Variants in ITPR1 observed in about 807,000 individuals in gnomAD.
The protein encoded by ITPR1 is inositol 1,4,5-trisphosphate-gated calcium channel ITPR1.
ITPR1 carries 96 observed loss-of-function variants against 318.4 expected under a neutral mutation model. The observed-to-expected ratio is 0.30, with a 90% CI of 0.26 to 0.36. The LOEUF (loss-of-function observed/expected upper bound fraction) is 0.36. ITPR1 is among the 10% of genes least tolerant of loss of function. The pLI, the probability that ITPR1 is intolerant of heterozygous loss-of-function variation, is 1.00. For synonymous variants in ITPR1, 1,312 were observed against 1,289.9 expected (o/e 1.02, Z -0.37); for missense variants, 2,440 against 3,460.2 (o/e 0.71, Z 7.40).
chr3:4,736,979 T>C (rs1359241729), intron 44 of ITPR1, among the ~76,000 whole-genome samples: 1 of 152,220 alleles, frequency 6.6e-6, no homozygotes, highest in East Asian at 1.9e-4. Context: ...TGTGGTGAAC[T>C]TTTCATAAAC....
rs6770659 is a variant in ITPR1 at position 4,700,046 on chromosome 3, G to A, written c.4536+105G>A. The A allele has an allele frequency of 0.012, 11,066 of 956,782 alleles. 894 individuals are homozygous for A. The African/African-American group carries it at 0.16, about 14-fold the overall frequency. 59.3% of individuals were successfully genotyped at this position (956,782 alleles called of 1,614,324 possible). ...AATTGTAAATGAACTGGTCTGCAAG[G>A]CATTAATACAAGATATATTTCTCTT... On this transcript the variant is annotated intron_variant, in intron 35 of 61. Coordinates refer to ENST00000649015, the MANE Select transcript of ITPR1 (RefSeq NM_001378452.1).
At chr3:4,603,920 T>C (rs1016038338) in intron 4 of ITPR1, among the ~76,000 whole-genome samples, 2 of 152,226 alleles carry the variant, frequency 1.3e-5, no homozygotes, top group African/African-American at 2.4e-5. Context: ...ATCTCCAAAC[T>C]GCTGAACTAA....
chr3:4,831,075 A>G (rs1161160827), intron 60 of ITPR1: 2 of 453,462 alleles, frequency 4.4e-6, no homozygotes, highest in African/African-American at 2.0e-5. Context: ...GCATCATACA[A>G]TCCAACTTCC....
chr3:4,815,480 A>C (rs1197928265), intron 59 of ITPR1, among the ~76,000 whole-genome samples: 1 of 152,154 alleles, frequency 6.6e-6, no homozygotes, highest in Non-Finnish European at 1.5e-5. Context: ...TTAGTCATTT[A>C]ACATCTTTAA....
At position 4,685,095 on chromosome 3, in the gene ITPR1, T is replaced by C. The variant is rs777553983; in HGVS notation, c.3591T>C (p.Cys1197=). 7.4e-6 allele frequency: 12 copies of C among 1,611,038 alleles called. No individual in the cohort carries two copies. The South Asian group carries it at 1.2e-4, about 16-fold the overall frequency. ...KEILIRLSKL[C]VQESASVRKS... ...TTTTGATTCGGCTTAGCAAACTCTG[T>C]GTTCAAGAGAGTGCCTCAGTGAGAA... The change falls in exon 30 of 62, where the codon TGT becomes TGC. Residue 1197 remains cysteine (C), a synonymous_variant. Coordinates refer to ENST00000649015, the MANE Select transcript of ITPR1 (RefSeq NM_001378452.1).
chr3:4,658,084 G>T, intron 12 of ITPR1, 40 bp from the exon 13 acceptor site: 1 of 1,562,918 alleles, frequency 6.4e-7, no homozygotes, highest in South Asian at 1.2e-5. Flanking sequence ...TGAAGGCTTT[G>T]GCATGCATGG....
At chr3:4,794,877 C>A in intron 52 of ITPR1, 188 bp from the exon 53 acceptor site, 1 of 585,778 alleles carries the variant, frequency 1.7e-6, no homozygotes, top group Non-Finnish European at 2.8e-6. Context: ...AAGTACTCCA[C>A]ACAGAAATAA....
chr3:4,589,551 G>A (rs78565711), intron 4 of ITPR1, among the ~76,000 whole-genome samples: 1,750 of 152,252 alleles, frequency 0.011, 34 homozygotes, highest in African/African-American at 0.04. Context: ...TCACTAGTCT[G>A]GAATGACTGC....
intron 39 of ITPR1, among the ~76,000 whole-genome samples, chr3:4,714,173 C>CAGGGCAGGCCGACTTTTTCA (rs1391942445): frequency 6.0e-4 from 92 of 152,318 alleles, no homozygotes; most frequent in African/African-American, 2.1e-3. Flanking sequence ...GCATGACGCA[C>CAGGGCAGGCCGACTTTTTCA]AGGGCAGGCC....
chr3:4,779,755 A>C lies in ITPR1; in HGVS notation c.6387+110A>C. The C allele has an allele frequency of 1.4e-6, 1 of 707,214 alleles. No homozygotes were observed. Among genetic ancestry groups the C allele is most frequent in the Non-Finnish European group, 2.5e-6 (1 of 401,484 alleles). The allele number at this position is 707,214 out of a possible 1,614,324, so 43.8% of individuals were successfully genotyped here. ...CTTTCTTGAAGGTTCCCAAAGTCAG[A>C]AGTATAAAGGGAACATTGAATTCAG... On this transcript the variant is annotated intron_variant, in intron 49 of 61. Coordinates refer to ENST00000649015, the MANE Select transcript of ITPR1 (RefSeq NM_001378452.1). This position sits in a 1 kb window ranked among gnomAD's most constrained non-coding sequence, Gnocchi z 4.0.
intron 34 of ITPR1, among the ~76,000 whole-genome samples, chr3:4,698,115 C>T (rs1489611483): frequency 6.6e-6 from 1 of 151,892 alleles, no homozygotes; most frequent in Non-Finnish European, 1.5e-5. Flanking sequence ...AACAAGCATA[C>T]CACAGATTTA....
Position 4,814,415 on chromosome 3 carries a change from G to T in ITPR1, c.7562-8G>T. On this transcript the variant is annotated splice_region_variant and splice_polypyrimidine_tract_variant and intron_variant, in intron 57 of 61. Transcript: ENST00000649015. The stretch of plus-strand genomic sequence containing the variant: ...TTTTCTCTCTGTTGTTACTTGCCGT[G>T]TTCACAGAGCTGGTCCCTGCAGAAG... The T allele has an allele frequency of 6.2e-7, 1 of 1,613,872 alleles. No individual in the cohort carries two copies. The highest frequency in any genetic ancestry group is 8.5e-7 in the Non-Finnish European group (1 of 1,179,824).
At chr3:4,793,181 A>G (rs142554534) in intron 52 of ITPR1, among the ~76,000 whole-genome samples, 78 of 152,370 alleles carry the variant, frequency 5.1e-4, no homozygotes, top group Middle Eastern at 3.4e-3. Context: ...CTTAAGTAGA[A>G]TGTTAGCCTT....
intron 12 of ITPR1, among the ~76,000 whole-genome samples, chr3:4,657,612 C>A (rs534917229): frequency 1.3e-5 from 2 of 151,900 alleles, no homozygotes; most frequent in African/African-American, 4.8e-5. Context: ...GGATTACAGG[C>A]GCCTGCCACC....
At chr3:4,571,491 A>C (rs966818758) in intron 4 of ITPR1, among the ~76,000 whole-genome samples, 1 of 152,002 alleles carries the variant, frequency 6.6e-6, no homozygotes, top group Non-Finnish European at 1.5e-5. Context: ...GGCACATGTT[A>C]CCACGCCTGG....
At chr3:4,684,412 A>G in intron 29 of ITPR1, 66 bp downstream of exon 29, 1 of 1,170,968 alleles carries the variant, frequency 8.5e-7, no homozygotes. Flanking sequence ...TTAGTTTGTG[A>G]TAGTCAAGTT....
intron 56 of ITPR1, 103 bp from the exon 57 acceptor site, chr3:4,813,039 A>G: frequency 1.2e-6 from 1 of 826,562 alleles, no homozygotes; most frequent in African/African-American, 1.7e-5. Context: ...CTAGGGTGTT[A>G]TTTATGTAAA....
Position 4,530,497 on chromosome 3 carries a change from C to CT in ITPR1, c.163+9404dup, listed in dbSNP as rs1347223953. 8.5e-5 allele frequency among the ~76,000 whole-genome samples: 13 copies of CT among 152,296 alleles called. 1 individual carries two copies. In the East Asian group the frequency reaches 1.5e-3, roughly 18 times the overall value. On this transcript the variant is annotated intron_variant, in intron 4 of 61. Transcript: ENST00000649015. The stretch of plus-strand genomic sequence containing the variant: ...AGCCTGTTACTCTTGAAAAGCTTTC[C>CT]TGTAGGCTGGGCATGGTGGCTCATG...
intron 4 of ITPR1, among the ~76,000 whole-genome samples, chr3:4,569,163 C>T (rs752137156): frequency 8.5e-5 from 13 of 152,090 alleles, no homozygotes; most frequent in South Asian, 8.3e-4. Context: ...CTCTTCAAGG[C>T]GCATGGACTT....
Sources: allele counts gnomAD v4.1 joint callset (sites outside exome capture counted in the v4.1 genomes callset), GRCh38; gene constraint gnomAD v4.1.1; non-coding constraint Gnocchi (gnomAD v3.1); transcripts MANE v1.5; gene names NCBI Gene and HGNC (gene_info 2026-07-23, HGNC 2026-07-21).